The following ARRB1 variants were observed in gnomAD, a reference collection of about 807,000 sequenced individuals.
The protein encoded by ARRB1 is beta-arrestin-1.
A neutral mutation model predicts 56.8 loss-of-function variants in ARRB1; 21 were observed. The observed-to-expected ratio is 0.37, with a 90% CI of 0.26 to 0.53. The LOEUF is 0.53. Among genes scored for constraint, ARRB1 ranks in the 20% least tolerant of loss-of-function variants. ARRB1 has a pLI of 0.88. For missense variants in ARRB1, 424 were observed against 553.7 expected, an observed-to-expected ratio of 0.77 and a Z score of 2.35; for synonymous variants, 210 against 218.6, an observed-to-expected ratio of 0.96 and a Z score of 0.35.
intron 3 of ARRB1, among the ~76,000 whole-genome samples, chr11:75,285,570 G>A (rs1255229348): frequency 2.6e-5 from 4 of 152,158 alleles, no homozygotes; most frequent in Non-Finnish European, 4.4e-5. Context: ...CAGGTTTGGT[G>A]GGGAACCGGT....
At chr11:75,286,429 G>A (rs1484811082) in intron 3 of ARRB1, among the ~76,000 whole-genome samples, 2 of 150,236 alleles carry the variant, frequency 1.3e-5, no homozygotes, top group African/African-American at 2.5e-5. Flanking sequence ...CACCATGCTC[G>A]GCTATTTTTT....
intron 1 of ARRB1, among the ~76,000 whole-genome samples, chr11:75,303,987 A>T (rs1298832332): frequency 1.3e-5 from 2 of 152,192 alleles, no homozygotes; most frequent in Non-Finnish European, 2.9e-5. Flanking sequence ...CCTGAGCTTG[A>T]GGCTGGGAAA....
At chr11:75,299,021 C>G (rs906777335) in intron 1 of ARRB1, among the ~76,000 whole-genome samples, 1 of 151,548 alleles carries the variant, frequency 6.6e-6, no homozygotes, top group Non-Finnish European at 1.5e-5. Flanking sequence ...TCAGAGTAGG[C>G]AAATTGATAG....
At chr11:75,288,414 C>T (rs180893888) in intron 2 of ARRB1, among the ~76,000 whole-genome samples, 4 of 152,178 alleles carry the variant, frequency 2.6e-5, no homozygotes, top group Middle Eastern at 3.4e-3. Flanking sequence ...AAACCAGATC[C>T]AGAGCGTCAT....
At chr11:75,305,320 C>T (rs371414515) in intron 1 of ARRB1, among the ~76,000 whole-genome samples, 1 of 151,862 alleles carries the variant, frequency 6.6e-6, no homozygotes, top group East Asian at 1.9e-4. Flanking sequence ...GCTGGAATTA[C>T]AGGCATAAGA....
intron 4 of ARRB1, among the ~76,000 whole-genome samples, chr11:75,283,998 A>T (rs1347511370): frequency 6.6e-6 from 1 of 152,168 alleles, no homozygotes; most frequent in Non-Finnish European, 1.5e-5. Flanking sequence ...TGGCATCCCC[A>T]GCCTTGCCAC....
intron 1 of ARRB1, among the ~76,000 whole-genome samples, chr11:75,324,969 G>T (rs932965586): frequency 4.1e-5 from 6 of 144,628 alleles, no homozygotes; most frequent in African/African-American, 1.5e-4. Flanking sequence ...GGCAGGGAGG[G>T]ATGCAGGTGT....
chr11:75,328,150 A>G (rs962800541), intron 1 of ARRB1, among the ~76,000 whole-genome samples: 2 of 151,976 alleles, frequency 1.3e-5, no homozygotes, highest in African/African-American at 4.8e-5. Context: ...TTCTGTCTCT[A>G]TGGATTTCTC....
chr11:75,329,779 G>A (rs1420753087), intron 1 of ARRB1, among the ~76,000 whole-genome samples: 5 of 152,124 alleles, frequency 3.3e-5, no homozygotes, highest in African/African-American at 1.2e-4. Flanking sequence ...GATTGCTTGA[G>A]CCCAAGAGTT....
chr11:75,314,854 G>A (rs550674612), intron 1 of ARRB1, among the ~76,000 whole-genome samples: 5 of 152,234 alleles, frequency 3.3e-5, no homozygotes, highest in South Asian at 2.1e-4. Context: ...TGATCCACCC[G>A]CCTCGGCCTC....
At chr11:75,274,050 A>G in intron 11 of ARRB1, 24 bp downstream of exon 11, 1 of 1,613,940 alleles carries the variant, frequency 6.2e-7, no homozygotes, top group Non-Finnish European at 8.5e-7. Context: ...CTAGGAGCCC[A>G]GGGCTAGGAG....
chr11:75,338,678 C>T (rs1947649081), intron 1 of ARRB1, among the ~76,000 whole-genome samples: 1 of 152,194 alleles, frequency 6.6e-6, no homozygotes, highest in Admixed American at 6.5e-5. Flanking sequence ...CACAGTGAAT[C>T]ACTGCTGTAC....
At chr11:75,316,620 A>G (rs1472883908) in intron 1 of ARRB1, among the ~76,000 whole-genome samples, 1 of 152,164 alleles carries the variant, frequency 6.6e-6, no homozygotes, top group African/African-American at 2.4e-5. Context: ...GCTAGGCAGT[A>G]GTCCAGTCCC....
At position 75,261,212 on chromosome 11, in the gene ARRB1, G is replaced by A. The variant is rs1945783285; in HGVS notation, c.*4951C>T. On this transcript the variant is annotated 3_prime_UTR_variant, in exon 16 of 16. Coordinates refer to ENST00000420843, the MANE Select transcript of ARRB1 (RefSeq NM_004041.5). ...TGTGTGTGTGTGTGTGTGTGTGTGT[G>A]TGTGTGTGTATAAATGCTTGTGCCT... 6.7e-6 allele frequency: 1 copy of A among 148,584 alleles called. No homozygotes were observed. The highest frequency in any genetic ancestry group is 1.5e-5 in the Non-Finnish European group (1 of 67,834). The allele number at this position is 148,584 out of a possible 1,614,324, so 9.2% of individuals were successfully genotyped here.
chr11:75,316,498 G>A (rs1019396585), intron 1 of ARRB1, among the ~76,000 whole-genome samples: 8 of 152,178 alleles, frequency 5.3e-5, no homozygotes, highest in African/African-American at 1.9e-4. Context: ...CTTGCAAACC[G>A]ACAGAAGGGA....
rs569877148 is a variant in ARRB1, at chr11:75,284,960, A to C, written c.113-681T>G. ...ATGGTACATGTTCCATATATTCTGT[A>C]ATGACCTCTGCAAGATCTGTACCTT... On this transcript the variant is annotated intron_variant, in intron 3 of 15. Transcript: ENST00000420843. Among the ~76,000 whole-genome samples, 6 of 152,320 alleles carry C rather than the reference A, an allele frequency of 3.9e-5. No individual in the cohort carries two copies. In the South Asian group the frequency reaches 1.0e-3, roughly 26 times the overall value.
intron 1 of ARRB1, among the ~76,000 whole-genome samples, chr11:75,311,415 G>A (rs150570643): frequency 3.9e-5 from 6 of 152,336 alleles, no homozygotes; most frequent in Admixed American, 1.3e-4. Flanking sequence ...TCTGGGATGG[G>A]CAGGGGGCTG....
chr11:75,307,758 C>T (rs985564422), intron 1 of ARRB1, among the ~76,000 whole-genome samples: 2 of 152,224 alleles, frequency 1.3e-5, no homozygotes, highest in African/African-American at 4.8e-5. Flanking sequence ...TTTATGCTCT[C>T]CATTGAACTG....
intron 1 of ARRB1, among the ~76,000 whole-genome samples, chr11:75,295,221 C>CA (rs34666904): frequency 0.079 from 5,740 of 72,886 alleles, 283 homozygotes; most frequent in African/African-American, 0.17. Flanking sequence ...AACCCTGTCT[C>CA]AAAAAAAAAA....
Sources: allele counts gnomAD v4.1 joint callset (sites outside exome capture counted in the v4.1 genomes callset), GRCh38; gene constraint gnomAD v4.1.1; transcripts MANE v1.5; gene names NCBI Gene and HGNC (gene_info 2026-07-23, HGNC 2026-07-21).